SNAP25: variants seen among roughly 807,000 people sequenced by gnomAD.
The protein encoded by SNAP25 is synaptosome associated protein 25, also known as synaptosomal-associated protein 25.
In SNAP25, 3 loss-of-function variants were observed where a neutral mutation model predicts 28.7. The ratio of observed to expected loss-of-function variants is 0.10; its 90% CI spans 0.05 to 0.27. The LOEUF (loss-of-function observed/expected upper bound fraction) is 0.27, where lower values mean the gene tolerates loss of function less well. Ranked by LOEUF, SNAP25 falls within the 10% of genes least tolerant of loss-of-function variation. The pLI is 1.00. For missense variants in SNAP25, 117 were observed against 278.7 expected (o/e 0.42, Z 4.13); for synonymous variants, 61 against 88.1 (o/e 0.69, Z 1.72).
chr20:10,246,549 C>T (rs1230036142), intron 1 of SNAP25, among the ~76,000 whole-genome samples: 1 of 152,140 alleles, frequency 6.6e-6, no homozygotes, highest in Non-Finnish European at 1.5e-5. Flanking sequence ...TCCCCAGGGG[C>T]TCATCAGTAC....
At chr20:10,288,203 T>C (rs2063923866) in intron 4 of SNAP25, among the ~76,000 whole-genome samples, 1 of 151,918 alleles carries the variant, frequency 6.6e-6, no homozygotes, top group Non-Finnish European at 1.5e-5. Flanking sequence ...AATAAACATA[T>C]ACACTCAAAT....
intron 4 of SNAP25, among the ~76,000 whole-genome samples, chr20:10,291,575 G>GC (rs1248392301): frequency 3.9e-5 from 6 of 152,184 alleles, no homozygotes; most frequent in African/African-American, 1.4e-4. Context: ...CCTCACGAAA[G>GC]AAAACACAGT....
At chr20:10,286,158 A>G (rs1182059339) in intron 4 of SNAP25, among the ~76,000 whole-genome samples, 1 of 152,076 alleles carries the variant, frequency 6.6e-6, no homozygotes, top group East Asian at 1.9e-4. Flanking sequence ...GGGGAGACCA[A>G]CCCAATTAAT....
Position 10,275,458 on chromosome 20 carries a change from C to G in SNAP25, c.-34C>G, listed in dbSNP as rs11547872. The G allele has an allele frequency of 8.2e-4, 1,292 of 1,576,898 alleles. 7 individuals are homozygous for G. The highest frequency in any genetic ancestry group is 7.3e-3 in the African/African-American group (545 of 74,510). On this transcript the variant is annotated 5_prime_UTR_variant, in exon 2 of 8. Coordinates refer to ENST00000254976, the MANE Select transcript of SNAP25 (RefSeq NM_130811.4). Reference sequence around the variant, plus strand: ...AGAGCCAAACCCGTCACTGACCCCCCAGCCCAGGCGCCCAGCCACTCCCCA... The same window carrying G: ...AGAGCCAAACCCGTCACTGACCCCCGAGCCCAGGCGCCCAGCCACTCCCCA...
At chr20:10,290,253 C>T (rs2063967992) in intron 4 of SNAP25, among the ~76,000 whole-genome samples, 1 of 152,074 alleles carries the variant, frequency 6.6e-6, no homozygotes, top group Non-Finnish European at 1.5e-5. Flanking sequence ...AATATTATTG[C>T]TAGAATTTCT....
intron 1 of SNAP25, among the ~76,000 whole-genome samples, chr20:10,273,834 T>A (rs2063640436): frequency 6.6e-6 from 1 of 152,210 alleles, no homozygotes; most frequent in African/African-American, 2.4e-5. Flanking sequence ...AATGTGCTAC[T>A]CACAGAGAAT....
At chr20:10,283,998 C>T (rs530859842) in intron 3 of SNAP25, among the ~76,000 whole-genome samples, 6 of 152,170 alleles carry the variant, frequency 3.9e-5, no homozygotes, top group Non-Finnish European at 8.8e-5. Context: ...CTTTTAAAGA[C>T]TTCCCCGGCA....
intron 1 of SNAP25, among the ~76,000 whole-genome samples, chr20:10,256,991 A>G (rs2063329147): frequency 6.6e-6 from 1 of 152,218 alleles, no homozygotes. Context: ...GCAGGCATAC[A>G]CATGTATATT....
chr20:10,243,957 C>T (rs541401350), intron 1 of SNAP25, among the ~76,000 whole-genome samples: 1 of 152,276 alleles, frequency 6.6e-6, no homozygotes, highest in East Asian at 1.9e-4. Flanking sequence ...TGTTTGCAAA[C>T]TTTCTCAAAT....
At chr20:10,272,534 G>A (rs1311392942) in intron 1 of SNAP25, among the ~76,000 whole-genome samples, 1 of 152,114 alleles carries the variant, frequency 6.6e-6, no homozygotes, top group Non-Finnish European at 1.5e-5. Flanking sequence ...TAAGATTCTG[G>A]AGTGACTTGG....
chr20:10,248,646 G>C (rs1600681840), intron 1 of SNAP25, among the ~76,000 whole-genome samples: 1 of 152,174 alleles, frequency 6.6e-6, no homozygotes, highest in Admixed American at 6.5e-5. Context: ...AGAGAGGCTA[G>C]ACATCTTGCC....
intron 1 of SNAP25, among the ~76,000 whole-genome samples, chr20:10,259,652 C>G (rs185490822): frequency 6.6e-6 from 1 of 152,286 alleles, no homozygotes; most frequent in Non-Finnish European, 1.5e-5. Context: ...CATCCTCCCA[C>G]TTCAGCTCCC....
intron 6 of SNAP25, among the ~76,000 whole-genome samples, chr20:10,297,407 T>G (rs115858938): frequency 0.011 from 1,727 of 152,282 alleles, 45 homozygotes; most frequent in African/African-American, 0.039. Flanking sequence ...CCGGTTTCAT[T>G]AGACAAAGCA....
At chr20:10,252,753 C>G (rs1412684054) in intron 1 of SNAP25, among the ~76,000 whole-genome samples, 6 of 149,466 alleles carry the variant, frequency 4.0e-5, no homozygotes, top group Admixed American at 1.3e-4. Flanking sequence ...AAAGAATTTT[C>G]TCATCTTTTT....
At chr20:10,290,560 C>T (rs191615625) in intron 4 of SNAP25, among the ~76,000 whole-genome samples, 6 of 152,054 alleles carry the variant, frequency 3.9e-5, no homozygotes, top group Admixed American at 3.3e-4. Flanking sequence ...TACCTGTGCA[C>T]CAATTCACAT....
chr20:10,230,245 G>T (rs1176913359), intron 1 of SNAP25, among the ~76,000 whole-genome samples: 1 of 152,114 alleles, frequency 6.6e-6, no homozygotes, highest in Non-Finnish European at 1.5e-5. Flanking sequence ...CTTTAGTTGG[G>T]GGTGGGAGGG....
At chr20:10,238,834 G>A (rs528461979) in intron 1 of SNAP25, among the ~76,000 whole-genome samples, 1 of 152,102 alleles carries the variant, frequency 6.6e-6, no homozygotes, top group South Asian at 2.1e-4. Flanking sequence ...GAACCTGGGA[G>A]GCAGAGGTTG....
intron 1 of SNAP25, among the ~76,000 whole-genome samples, chr20:10,259,631 T>C (rs1352400750): frequency 6.6e-6 from 1 of 152,172 alleles, no homozygotes; most frequent in Non-Finnish European, 1.5e-5. Flanking sequence ...CTCTAACTCC[T>C]GGGCTTAAGC....
At chr20:10,302,381 A>G (rs1221039165) in intron 7 of SNAP25, among the ~76,000 whole-genome samples, 2 of 152,218 alleles carry the variant, frequency 1.3e-5, no homozygotes, top group East Asian at 1.9e-4. Flanking sequence ...TTGAGTTCTA[A>G]CAGGGTTTTG....
Sources: allele counts gnomAD v4.1 joint callset (sites outside exome capture counted in the v4.1 genomes callset), GRCh38; gene constraint gnomAD v4.1.1; transcripts MANE v1.5; gene names NCBI Gene and HGNC (gene_info 2026-07-23, HGNC 2026-07-21).